SETD1B: variants seen among roughly 807,000 people sequenced by gnomAD.
SETD1B encodes the protein histone-lysine N-methyltransferase SETD1B.
In SETD1B, 7 loss-of-function variants were observed where a neutral mutation model predicts 148.0. The observed-to-expected ratio is 0.05, with a 90% CI of 0.03 to 0.09. SETD1B has a LOEUF of 0.09. SETD1B is among the 10% of genes least tolerant of loss of function. The probability of loss-of-function intolerance (pLI) is 1.00; values close to 1 mark genes in which losing one functional copy is unlikely to be tolerated. For missense variants in SETD1B, 2,155 were observed against 2,729.9 expected, an observed-to-expected ratio of 0.79 and a Z score of 4.69; for synonymous variants, 1,361 against 1,186.5, an observed-to-expected ratio of 1.15 and a Z score of -3.02.
intron 10 of SETD1B, among the ~76,000 whole-genome samples, chr12:121,818,924 A>G (rs1006695387): frequency 4.0e-5 from 6 of 149,324 alleles, no homozygotes; most frequent in Non-Finnish European, 8.9e-5. Context: ...GTTTTCTGTT[A>G]TGTTAATTTT....
chr12:121,829,561 G>C (rs1032965892), intron 16 of SETD1B, among the ~76,000 whole-genome samples: 1 of 152,236 alleles, frequency 6.6e-6, no homozygotes, highest in African/African-American at 2.4e-5. Flanking sequence ...TATGGGCTTG[G>C]AGGCCTTTAC....
rs1234669141 is a variant in SETD1B at position 121,814,474 on chromosome 12, C to T, written c.2259C>T (p.Phe753=). Residue 753 remains phenylalanine, a synonymous_variant, in exon 7 of 17, where the codon TTC becomes TTT. Coordinates refer to ENST00000604567, the MANE Select transcript of SETD1B (RefSeq NM_001353345.2). ...PPLPPFPPGL[F]PVMQVDMSHV... ...TGCCCCCCTTTCCGCCGGGCCTGTT[C>T]CCTGTGATGCAGGTGGACATGAGCC... 1.4e-6 allele frequency: 2 copies of T among 1,452,672 alleles called. No individual in the cohort carries two copies. Among genetic ancestry groups the T allele is most frequent in the Non-Finnish European group, 1.8e-6 (2 of 1,099,028 alleles). The allele number at this position is 1,452,672 out of a possible 1,614,324, so 90.0% of individuals were successfully genotyped here.
In SETD1B at chr12:121,823,241, C is replaced by T. The variant is rs1296490326; in HGVS notation, c.4662C>T (p.Gly1554=). 6.5e-7 allele frequency: 1 copy of T among 1,549,880 alleles called. No homozygotes were observed. Among genetic ancestry groups the T allele is most frequent in the East Asian group, 2.4e-5 (1 of 40,898 alleles). Residue 1554 remains glycine, a synonymous_variant, in exon 12 of 17, where the codon GGC becomes GGT. Transcript: ENST00000604567. ...ALGRELLLLP[G]QPQTPVFPST... ...GAAGGGAACTCCTGCTCCTGCCGGG[C>T]CAGCCACAGACCCCCGTCTTCCCCA...
intron 12 of SETD1B, 63 bp downstream of exon 12, chr12:121,823,812 C>T (rs1006186820): frequency 1.3e-6 from 2 of 1,481,502 alleles, no homozygotes; most frequent in African/African-American, 1.4e-5. Flanking sequence ...GCTCACCTCT[C>T]TGGGCCCCAC....
upstream of SETD1B, chr12:121,800,297 G>A (rs1445370480): frequency 6.6e-6 from 1 of 152,222 alleles, no homozygotes; most frequent in African/African-American, 2.4e-5. Context: ...TGGGCTGGAG[G>A]GCTGCCCAAC....
intron 11 of SETD1B, among the ~76,000 whole-genome samples, chr12:121,820,400 T>A (rs749884195): frequency 6.6e-6 from 1 of 152,252 alleles, no homozygotes; most frequent in Non-Finnish European, 1.5e-5. Flanking sequence ...CACTGTAGCC[T>A]TCAGACACAA....
intron 7 of SETD1B, among the ~76,000 whole-genome samples, chr12:121,815,217 A>G (rs1876232262): frequency 6.6e-6 from 1 of 152,218 alleles, no homozygotes; most frequent in Non-Finnish European, 1.5e-5. Context: ...GCTTGAGCCT[A>G]GGAGTTCAAG....
In SETD1B at chr12:121,828,083, CG is replaced by C. The variant is rs748672393; in HGVS notation, c.5727+19del. 2 of 1,551,154 alleles carry C rather than the reference CG, an allele frequency of 1.3e-6. No individual in the cohort carries two copies. Among genetic ancestry groups the C allele is most frequent in the Non-Finnish European group, 1.7e-6 (2 of 1,146,820 alleles). ...CCACAGCTGCAACGTGAGTGCCCAG[CG>C]GGGGGTGGCCCCTGCCCCTGCTCCT... On this transcript the variant is annotated intron_variant, in intron 16 of 16. Coordinates refer to ENST00000604567, the MANE Select transcript of SETD1B (RefSeq NM_001353345.2).
At chr12:121,811,514 T>TC (rs1221376846) in intron 6 of SETD1B, among the ~76,000 whole-genome samples, 3 of 152,208 alleles carry the variant, frequency 2.0e-5, no homozygotes, top group Non-Finnish European at 4.4e-5. Flanking sequence ...TCATGGGGTC[T>TC]CGTTGCCTAA....
At chr12:121,813,130 C>CCG (rs1210034941) in intron 6 of SETD1B, among the ~76,000 whole-genome samples, 1 of 152,210 alleles carries the variant, frequency 6.6e-6, no homozygotes, top group Non-Finnish European at 1.5e-5. Context: ...ACTGGCTGTG[C>CCG]CGCGGGGCCA....
intron 16 of SETD1B, among the ~76,000 whole-genome samples, chr12:121,828,523 T>G (rs993328196): frequency 6.6e-6 from 1 of 152,210 alleles, no homozygotes; most frequent in Non-Finnish European, 1.5e-5. Context: ...CCAGTGCATC[T>G]GGGGACCTGA....
In SETD1B at chr12:121,830,505, A is replaced by G. The variant is rs1877043624; in HGVS notation, c.*266A>G. 8.0e-6 allele frequency: 3 copies of G among 376,136 alleles called. No homozygotes were observed. The highest frequency in any genetic ancestry group is 1.0e-4 in the South Asian group (2 of 19,800). 23.3% of individuals were successfully genotyped at this position (376,136 alleles called of 1,614,324 possible). ...TTCAGGATTTCTGTTTAACTCCAGC[A>G]TCAGCTTCTCTCTCTCCGTCTCTCC... On this transcript the variant is annotated 3_prime_UTR_variant, in exon 17 of 17. Transcript: ENST00000604567. The surrounding 1 kb of genome is among the most constrained non-coding windows in gnomAD (Gnocchi z 5.7).
intron 7 of SETD1B, among the ~76,000 whole-genome samples, chr12:121,815,807 C>G (rs969753831): frequency 1.3e-5 from 2 of 148,284 alleles, no homozygotes; most frequent in African/African-American, 5.0e-5. Context: ...GGCCTACTTA[C>G]TATTTTCTTT....
Position 121,808,166 on chromosome 12 carries a change from C to T in SETD1B, c.545-42C>T. ...GGAATCCTTGTGGGGGCTGCCCCAT[C>T]CTGGAACCTCACTGAGTTCCCCCTT... On this transcript the variant is annotated intron_variant, in intron 4 of 16. Coordinates refer to ENST00000604567, the MANE Select transcript of SETD1B (RefSeq NM_001353345.2). This position sits in a 1 kb window ranked among gnomAD's most constrained non-coding sequence, Gnocchi z 5.3. The T allele has an allele frequency of 1.4e-6, 2 of 1,479,650 alleles. No homozygotes were observed. Among genetic ancestry groups the T allele is most frequent in the Non-Finnish European group, 1.8e-6 (2 of 1,084,524 alleles). 91.7% of individuals were successfully genotyped at this position (1,479,650 alleles called of 1,614,324 possible).
Position 121,817,676 on chromosome 12 carries a change from C to A in SETD1B, c.3284C>A (p.Ser1095Tyr). The change falls in exon 9 of 17, where the codon TCC becomes TAC. Residue 1095 changes from serine to tyrosine, a missense_variant. Ser to Tyr is a moderately radical substitution (Grantham distance 144, BLOSUM62 -2). Transcript: ENST00000604567. This position sits in a 1 kb window ranked among gnomAD's most constrained non-coding sequence, Gnocchi z 8.1. ...GAAGTCCCCAGGAGCCAGCTCTCCTCCTCCTCAACCTCATCCACATCAGAT... is the reference window on the plus strand; with the variant it reads ...GAAGTCCCCAGGAGCCAGCTCTCCTACTCCTCAACCTCATCCACATCAGAT... ...EEEVPRSQLS[S>Y]SSTSSTSDKD... 6.5e-7 allele frequency: 1 copy of A among 1,549,944 alleles called. No homozygotes were observed. Among genetic ancestry groups the A allele is most frequent in the Non-Finnish European group, 8.7e-7 (1 of 1,146,040 alleles).
chr12:121,797,611 G>C, the SETD1B span: 1 of 456,552 alleles, frequency 2.2e-6, no homozygotes, highest in Non-Finnish European at 4.4e-6. Context: ...CCAGGGAGGG[G>C]AGAAACTGGC....
Position 121,817,995 on chromosome 12 carries a change from C to A in SETD1B, c.3418+91C>A. 1.5e-6 allele frequency: 2 copies of A among 1,296,104 alleles called. No individual in the cohort carries two copies. The highest frequency in any genetic ancestry group is 2.1e-6 in the Non-Finnish European group (2 of 958,344). The allele number at this position is 1,296,104 out of a possible 1,614,324, so 80.3% of individuals were successfully genotyped here. Reference sequence around the variant, plus strand: ...GCAATTGTCAGAAATACTTCTGAGCCAAAATGTTGTGCTTTTGAGACGTTA... The same window carrying A: ...GCAATTGTCAGAAATACTTCTGAGCAAAAATGTTGTGCTTTTGAGACGTTA... On this transcript the variant is annotated intron_variant, in intron 10 of 16. Coordinates refer to ENST00000604567, the MANE Select transcript of SETD1B (RefSeq NM_001353345.2). This position sits in a 1 kb window ranked among gnomAD's most constrained non-coding sequence, Gnocchi z 8.1.
intron 12 of SETD1B, 42 bp downstream of exon 12, chr12:121,823,791 A>G (rs1350493614): frequency 2.7e-6 from 4 of 1,504,492 alleles, no homozygotes; most frequent in African/African-American, 1.4e-5. Flanking sequence ...TCTGGGATGC[A>G]GGAAGTCCCT....
Position 121,830,314 on chromosome 12 carries a change from C to G in SETD1B, c.*75C>G, listed in dbSNP as rs1308703617. 1.1e-5 allele frequency: 16 copies of G among 1,421,434 alleles called. No homozygotes were observed. The highest frequency in any genetic ancestry group is 1.5e-5 in the Non-Finnish European group (16 of 1,059,074). The allele number at this position is 1,421,434 out of a possible 1,614,324, so 88.1% of individuals were successfully genotyped here. A position where few individuals can be genotyped will look rare whatever the true frequency, so the allele number is the denominator to read the frequency against. ...AGCGTGGAGCCCCTGGCCCCGGGGC[C>G]CGGCCCCCCGCGCCCGCCCCCATTT... On this transcript the variant is annotated 3_prime_UTR_variant, in exon 17 of 17. Transcript: ENST00000604567. The surrounding 1 kb of genome is among the most constrained non-coding windows in gnomAD (Gnocchi z 5.7).
Sources: allele counts gnomAD v4.1 joint callset (sites outside exome capture counted in the v4.1 genomes callset), GRCh38; gene constraint gnomAD v4.1.1; non-coding constraint Gnocchi (gnomAD v3.1); transcripts MANE v1.5; gene names NCBI Gene and HGNC (gene_info 2026-07-23, HGNC 2026-07-21).